Variants in BNIPL observed in about 807,000 individuals in gnomAD.
The protein encoded by BNIPL is BCL2 interacting protein like.
A neutral mutation model predicts 47.0 loss-of-function variants in BNIPL; 33 were observed. The observed-to-expected ratio is 0.70, with a 90% CI of 0.53 to 0.94. BNIPL has a LOEUF of 0.94. BNIPL is among the 40% of genes least tolerant of loss of function. BNIPL has a pLI of 0.00. For missense variants in BNIPL, 404 were observed against 445.2 expected (o/e 0.91, Z 0.83); for synonymous variants, 145 against 162.7 (o/e 0.89, Z 0.83).
rs1312398847 is a variant in BNIPL at position 151,046,840 on chromosome 1, C to G, written c.*153C>G. ...GTGGGATTTTGTCCTTTGCATGACC[C>G]TACTTTCAGCAGGGCTTTGAGGCTG... On this transcript the variant is annotated 3_prime_UTR_variant, in exon 10 of 10. Transcript: ENST00000368931. The G allele has an allele frequency of 1.8e-6, 1 of 570,496 alleles. No homozygotes were observed. Among genetic ancestry groups the G allele is most frequent in the Non-Finnish European group, 3.0e-6 (1 of 332,438 alleles). 35.3% of individuals were successfully genotyped at this position (570,496 alleles called of 1,614,324 possible).
Position 151,038,000 on chromosome 1 carries a change from CAAAAAAAAAAAAAAA to C in BNIPL, c.137+353_137+367del, listed in dbSNP as rs58423611. ...GGGCAACAAGAGTGAAACTCTGTCTCAAAAAAAAAAAAAAAAAAAAAAAAAAAAAGCAAATGGACA... is the reference window on the plus strand; with the variant it reads ...GGGCAACAAGAGTGAAACTCTGTCTCAAAAAAAAAAAAAAGCAAATGGACA... On this transcript the variant is annotated intron_variant, in intron 2 of 9. Coordinates refer to ENST00000368931, the MANE Select transcript of BNIPL (RefSeq NM_138278.4). Among the ~76,000 whole-genome samples the C allele has an allele frequency of 2.2e-4, 14 of 63,950 alleles. 1 individual carries two copies. The highest frequency in any genetic ancestry group is 1.3e-3 in the African/African-American group (14 of 10,688). The allele number at this position is 63,950 out of a possible 152,430, so 42.0% of individuals were successfully genotyped here.
At chr1:151,046,199 T>C in intron 9 of BNIPL, 34 bp downstream of exon 9, 1 of 1,612,100 alleles carries the variant, frequency 6.2e-7, no homozygotes, top group Non-Finnish European at 8.5e-7. Flanking sequence ...AGCCTTGGGG[T>C]GGGATGTGTA....
chr1:151,046,779 T>A lies in BNIPL; in HGVS notation c.*92T>A. 2 of 1,100,916 alleles carry A rather than the reference T, an allele frequency of 1.8e-6. No individual in the cohort carries two copies. Among genetic ancestry groups the A allele is most frequent in the Non-Finnish European group, 2.7e-6 (2 of 751,722 alleles). The allele number at this position is 1,100,916 out of a possible 1,614,324, so 68.2% of individuals were successfully genotyped here. A position where few individuals can be genotyped will look rare whatever the true frequency, so the allele number is the denominator to read the frequency against. On this transcript the variant is annotated 3_prime_UTR_variant, in exon 10 of 10. Coordinates refer to ENST00000368931, the MANE Select transcript of BNIPL (RefSeq NM_138278.4). ...CTGAACTGTTTTGTAAATCATCTTA[T>A]CCCCAACCTCAGTACCACCGGATCT...
rs1338150711 is a variant in BNIPL, at chr1:151,045,663, T to C, written c.852-134T>C. 8 of 1,478,164 alleles carry C rather than the reference T, an allele frequency of 5.4e-6. No homozygotes were observed. The African/African-American group carries it at 5.6e-5, about 10-fold the overall frequency. 91.6% of individuals were successfully genotyped at this position (1,478,164 alleles called of 1,614,324 possible). A position where few individuals can be genotyped will look rare whatever the true frequency, so the allele number is the denominator to read the frequency against. ...GAGATTACAGCTGACGGAATGGGGATTAGACCCAAGTACCAGATAAATCTA... is the reference window on the plus strand; with the variant it reads ...GAGATTACAGCTGACGGAATGGGGACTAGACCCAAGTACCAGATAAATCTA... On this transcript the variant is annotated intron_variant, in intron 7 of 9. Transcript: ENST00000368931.
Position 151,046,109 on chromosome 1 carries a change from G to GT in BNIPL, c.981_982insT (p.Glu328Ter). On this transcript the variant is annotated frameshift_variant, in exon 9 of 10. Coordinates refer to ENST00000368931, the MANE Select transcript of BNIPL (RefSeq NM_138278.4). LOFTEE classifies it high-confidence loss of function. ...AAATCCGTTTTCTGGACAGCCTGGG[G>GT]GAGCTGGCCCAACTCATATCCCTGG... 1 of 1,614,104 alleles carries GT rather than the reference G, an allele frequency of 6.2e-7. No homozygotes were observed. The highest frequency in any genetic ancestry group is 8.5e-7 in the Non-Finnish European group (1 of 1,180,024).
Position 151,046,985 on chromosome 1 carries a change from G to A in BNIPL, c.*298G>A, listed in dbSNP as rs587638804. 5.2e-4 allele frequency: 129 copies of A among 246,732 alleles called. No homozygotes were observed. The highest frequency in any genetic ancestry group is 5.8e-4 in the Non-Finnish European group (75 of 128,756). 15.3% of individuals were successfully genotyped at this position (246,732 alleles called of 1,614,324 possible). ...TTTTTGTTTTTTGTTTTTTGAGACG[G>A]AGTCTCGCTCTGTCGCCAGGCTGGA... On this transcript the variant is annotated 3_prime_UTR_variant, in exon 10 of 10. Coordinates refer to ENST00000368931, the MANE Select transcript of BNIPL (RefSeq NM_138278.4).
chr1:151,043,646 T>A lies in BNIPL; in HGVS notation c.770T>A (p.Val257Asp). ...ELLVAENYLLVHLSGGTSRAQ... is the reference protein window; with the variant it reads ...ELLVAENYLLDHLSGGTSRAQ... ...CTAGTAGCTGAAAATTACCTGCTTG[T>A]TCATTTGAGTGGAGGCACAAGCAGG... Residue 257 changes from valine to aspartate, a missense_variant, in exon 7 of 10, where the codon GTT (valine) becomes GAT (aspartate). Transcript: ENST00000368931. 2.5e-6 allele frequency: 4 copies of A among 1,611,428 alleles called. No individual in the cohort carries two copies. Among genetic ancestry groups the A allele is most frequent in the Non-Finnish European group, 3.4e-6 (4 of 1,177,594 alleles).
At chr1:151,037,399 C>A in intron 1 of BNIPL, 168 bp from the exon 2 acceptor site, 1 of 1,349,696 alleles carries the variant, frequency 7.4e-7, no homozygotes, top group Non-Finnish European at 9.6e-7. Flanking sequence ...AGGTAATCTG[C>A]TTCTAGCAAG....
intron 4 of BNIPL, among the ~76,000 whole-genome samples, chr1:151,040,263 T>G (rs1431317781): frequency 1.3e-5 from 2 of 152,174 alleles, no homozygotes; most frequent in Non-Finnish European, 2.9e-5. Context: ...CACTGCAGCC[T>G]CAACCTCCTA....
At chr1:151,046,614 C>T in intron 9 of BNIPL, 37 bp from the exon 10 acceptor site, 1 of 1,569,754 alleles carries the variant, frequency 6.4e-7, no homozygotes, top group South Asian at 1.1e-5. Flanking sequence ...GTCCTACCCC[C>T]TGAACCACTT....
chr1:151,043,712 G>C lies in BNIPL; in HGVS notation c.836G>C (p.Arg279Pro). The C allele has an allele frequency of 6.2e-7, 1 of 1,613,692 alleles. No individual in the cohort carries two copies. Among genetic ancestry groups the C allele is most frequent in the South Asian group, 1.1e-5 (1 of 91,056 alleles). ...CTAAGCTGGATACGTCAGTGTTACCGTACCCTGGATCGGCGGTGAGACCTG... is the reference window on the plus strand; with the variant it reads ...CTAAGCTGGATACGTCAGTGTTACCCTACCCTGGATCGGCGGTGAGACCTG... ...PPLSWIRQCY[R>P]TLDRRLRKNL... The change falls in exon 7 of 10, where the codon CGT (arginine) becomes CCT (proline). Residue 279 changes from arginine to proline, a missense_variant. Coordinates refer to ENST00000368931, the MANE Select transcript of BNIPL (RefSeq NM_138278.4).
At position 151,046,972 on chromosome 1, in the gene BNIPL, GT is replaced by G; in HGVS notation, c.*291del. On this transcript the variant is annotated 3_prime_UTR_variant, in exon 10 of 10. Transcript: ENST00000368931. ...AGAGCTCTGGGTTTTTTTGTTTTTT[GT>G]TTTTTGAGACGGAGTCTCGCTCTGT... 3.5e-6 allele frequency: 1 copy of G among 286,634 alleles called. No homozygotes were observed. The highest frequency in any genetic ancestry group is 8.5e-5 in the South Asian group (1 of 11,730). The allele number at this position is 286,634 out of a possible 1,614,324, so 17.8% of individuals were successfully genotyped here.
chr1:151,039,529 T>C (rs587759189), intron 4 of BNIPL, among the ~76,000 whole-genome samples: 1 of 152,184 alleles, frequency 6.6e-6, no homozygotes, highest in African/African-American at 2.4e-5. Context: ...GAGGGCATTC[T>C]AAGGAGAAGA....
At chr1:151,043,816 C>A (rs1361126780) in intron 7 of BNIPL, 89 bp downstream of exon 7, 4 of 1,439,544 alleles carry the variant, frequency 2.8e-6, no homozygotes, top group Non-Finnish European at 2.8e-6. Flanking sequence ...TAGTCCTTTT[C>A]CTATTTTCTT....
intron 4 of BNIPL, among the ~76,000 whole-genome samples, chr1:151,040,641 CA>C (rs1441938615): frequency 6.6e-6 from 1 of 151,360 alleles, no homozygotes; most frequent in Admixed American, 6.6e-5. Flanking sequence ...ACTAAAAATA[CA>C]AAATTAGCTG....
Position 151,047,648 on chromosome 1 carries a change from TG to T in BNIPL, c.*963del. ...CCCTTGCATCCCAAACCTTCGGTTC[TG>T]GCAGAGTTCTTGCCGCAGAGGTTCC... On this transcript the variant is annotated 3_prime_UTR_variant, in exon 10 of 10. Coordinates refer to ENST00000368931, the MANE Select transcript of BNIPL (RefSeq NM_138278.4). 1.2e-6 allele frequency: 1 copy of T among 818,176 alleles called. No individual in the cohort carries two copies. Among genetic ancestry groups the T allele is most frequent in the Non-Finnish European group, 1.8e-6 (1 of 556,106 alleles). 50.7% of individuals were successfully genotyped at this position (818,176 alleles called of 1,614,324 possible).
chr1:151,047,669 G>C lies in BNIPL; in HGVS notation c.*982G>C. ...GTTCTGGCAGAGTTCTTGCCGCAGA[G>C]GTTCCTTAGGAGCACCCCGCGCGGC... is the stretch of plus-strand genomic sequence containing the variant. On this transcript the variant is annotated 3_prime_UTR_variant, in exon 10 of 10. Coordinates refer to ENST00000368931, the MANE Select transcript of BNIPL (RefSeq NM_138278.4). 9.8e-7 allele frequency: 1 copy of C among 1,019,282 alleles called. No individual in the cohort carries two copies. The highest frequency in any genetic ancestry group is 1.4e-6 in the Non-Finnish European group (1 of 736,644). 63.1% of individuals were successfully genotyped at this position (1,019,282 alleles called of 1,614,324 possible).
At chr1:151,040,436 C>T (rs2102961976) in intron 4 of BNIPL, among the ~76,000 whole-genome samples, 1 of 152,214 alleles carries the variant, frequency 6.6e-6, no homozygotes, top group Non-Finnish European at 1.5e-5. Flanking sequence ...CTGCCTCAGT[C>T]TCCCAAAGTG....
At chr1:151,037,771 C>T (rs1167601721) in intron 2 of BNIPL, 109 bp downstream of exon 2, 16 of 870,820 alleles carry the variant, frequency 1.8e-5, no homozygotes, top group East Asian at 9.1e-5. Flanking sequence ...GTGGCCGAGG[C>T]GGGTGGATCA....
Sources: gnomAD v4.1 joint callset for allele counts (sites outside exome capture counted in the v4.1 genomes callset) on GRCh38, gnomAD v4.1.1 for gene constraint, MANE v1.5 for transcripts, NCBI Gene and HGNC (gene_info 2026-07-23, HGNC 2026-07-21) for gene names.